Variants in GGCT observed in about 807,000 individuals in gnomAD.
GGCT encodes the protein cytochrome c-releasing factor 21.
Under a neutral mutation model 22.1 loss-of-function variants are expected in GGCT, and 20 were observed. The ratio of observed to expected loss-of-function variants is 0.91; its 90% CI spans 0.64 to 1.32. The LOEUF is 1.32. Ranked by LOEUF, GGCT falls within the 40% of genes most tolerant of loss-of-function variation. GGCT has a pLI of 0.00. For missense variants in GGCT, 209 were observed against 223.5 expected (o/e 0.94, Z 0.41); for synonymous variants, 72 against 78.4 (o/e 0.92, Z 0.43).
intron 2 of GGCT, among the ~76,000 whole-genome samples, chr7:30,499,838 G>T (rs1190077568): frequency 4.7e-5 from 7 of 149,408 alleles, no homozygotes; most frequent in East Asian, 3.9e-4. Flanking sequence ...AATATAGTTT[G>T]TTTTTTTTTT....
chr7:30,498,028 C>T (rs1041103795), intron 3 of GGCT: 61 of 132,716 alleles, frequency 4.6e-4, no homozygotes, highest in Middle Eastern at 2.4e-3. Flanking sequence ...TATATAGATA[C>T]ACACACACAT....
Position 30,498,794 on chromosome 7 carries a change from A to G in GGCT, c.423+9T>C. 6.2e-7 allele frequency: 1 copy of G among 1,609,052 alleles called. No individual in the cohort carries two copies. The highest frequency in any genetic ancestry group is 8.5e-7 in the Non-Finnish European group (1 of 1,176,002). On this transcript the variant is annotated intron_variant, in intron 3 of 3. Coordinates refer to ENST00000275428, the MANE Select transcript of GGCT (RefSeq NM_024051.4). Reference sequence around the variant, plus strand: ...AAAAGTAATCACCACCAGTCTGTAAATAGCTTACCTTTTTATACTGTGGGG... The same window carrying G: ...AAAAGTAATCACCACCAGTCTGTAAGTAGCTTACCTTTTTATACTGTGGGG...
chr7:30,501,650 CAAAT>C (rs971228719), intron 1 of GGCT, among the ~76,000 whole-genome samples: 1 of 152,180 alleles, frequency 6.6e-6, no homozygotes, highest in African/African-American at 2.4e-5. Flanking sequence ...AAAAACAAAA[CAAAT>C]AAAATACAGA....
At chr7:30,500,289 A>G (rs1789669295) in intron 2 of GGCT, among the ~76,000 whole-genome samples, 1 of 152,260 alleles carries the variant, frequency 6.6e-6, no homozygotes, top group Admixed American at 6.5e-5. Context: ...CAATAGAATG[A>G]AAAATAAGGG....
intron 2 of GGCT, among the ~76,000 whole-genome samples, chr7:30,499,754 G>A (rs570668745): frequency 3.3e-5 from 5 of 151,002 alleles, no homozygotes; most frequent in South Asian, 4.2e-4. Flanking sequence ...TCAATTAGAA[G>A]GCCTGAGACA....
chr7:30,497,606 G>A (rs889894200), intron 3 of GGCT: 2 of 461,812 alleles, frequency 4.3e-6, no homozygotes, highest in African/African-American at 4.0e-5. Flanking sequence ...AACGCCAGAG[G>A]TTACCCTTGC....
chr7:30,498,996 G>A, intron 2 of GGCT, 58 bp from the exon 3 acceptor site: 4 of 1,527,270 alleles, frequency 2.6e-6, no homozygotes, highest in Non-Finnish European at 2.7e-6. Context: ...TAGCTCACTG[G>A]GTAAGGTCTT....
At chr7:30,499,285 T>C (rs1789638222) in intron 2 of GGCT, among the ~76,000 whole-genome samples, 1 of 151,696 alleles carries the variant, frequency 6.6e-6, no homozygotes. Flanking sequence ...TGGGCGCCTA[T>C]AGTCCCAGCT....
intron 2 of GGCT, 71 bp from the exon 3 acceptor site, chr7:30,499,009 T>C (rs750448947): frequency 3.0e-5 from 41 of 1,365,746 alleles, no homozygotes; most frequent in Non-Finnish European, 4.0e-5. Context: ...AAGGTCTTTT[T>C]ATAATAGTCA....
chr7:30,502,066 G>T (rs1264094584), intron 1 of GGCT, among the ~76,000 whole-genome samples: 3 of 152,158 alleles, frequency 2.0e-5, no homozygotes. Context: ...CTGATTTTCA[G>T]GCTGTTCCTT....
At position 30,504,560 on chromosome 7, in the gene GGCT, G is replaced by A. The variant is rs1225945099; in HGVS notation, c.141+9C>T. On this transcript the variant is annotated intron_variant, in intron 1 of 3. Coordinates refer to ENST00000275428, the MANE Select transcript of GGCT (RefSeq NM_024051.4). The stretch of plus-strand genomic sequence containing the variant: ...CCCCGGCGTGGGTAGCGCGGGAGGG[G>A]GCACTCACCTGCAGGCGGGCCACAC... 9.3e-6 allele frequency: 15 copies of A among 1,613,084 alleles called. No individual in the cohort carries two copies. The highest frequency in any genetic ancestry group is 1.2e-5 in the Non-Finnish European group (14 of 1,179,806).
intron 2 of GGCT, 63 bp from the exon 3 acceptor site, chr7:30,499,001 G>C (rs752157712): frequency 6.8e-7 from 1 of 1,477,382 alleles, no homozygotes; most frequent in Non-Finnish European, 9.5e-7. Flanking sequence ...CACTGGGTAA[G>C]GTCTTTTTAT....
intron 1 of GGCT, among the ~76,000 whole-genome samples, chr7:30,502,248 TG>T (rs528216568): frequency 5.0e-4 from 76 of 152,336 alleles, no homozygotes; most frequent in Non-Finnish European, 1.0e-3. Flanking sequence ...TTTTTGTTTT[TG>T]TTTTTGTTTT....
chr7:30,500,066 G>A (rs1055387061), intron 2 of GGCT, among the ~76,000 whole-genome samples: 3 of 152,118 alleles, frequency 2.0e-5, no homozygotes, highest in Non-Finnish European at 2.9e-5. Flanking sequence ...ACAACTCTGA[G>A]AGCTCTAGTC....
intron 3 of GGCT, chr7:30,497,878 G>T: frequency 6.9e-7 from 1 of 1,446,792 alleles, no homozygotes; most frequent in South Asian, 1.5e-5. Context: ...GAAAGGCAGT[G>T]TGACGTTTCT....
At chr7:30,499,140 G>A (rs1374947880) in intron 2 of GGCT, 16 of 572,696 alleles carry the variant, frequency 2.8e-5, no homozygotes, top group African/African-American at 1.3e-4. Context: ...GGCTGGGTAC[G>A]GTGGCTCACA....
chr7:30,499,469 C>T (rs1042053838), intron 2 of GGCT, among the ~76,000 whole-genome samples: 1 of 150,310 alleles, frequency 6.7e-6, no homozygotes, highest in African/African-American at 2.5e-5. Context: ...TTTGGGAGGC[C>T]GAGGTGGGTG....
intron 2 of GGCT, among the ~76,000 whole-genome samples, 174 bp downstream of exon 2, chr7:30,500,362 T>A (rs1235416131): frequency 1.3e-5 from 2 of 152,222 alleles, no homozygotes; most frequent in African/African-American, 2.4e-5. Context: ...AAATATAGCC[T>A]TTCTAGACCT....
intron 1 of GGCT, among the ~76,000 whole-genome samples, chr7:30,502,340 A>G (rs1253744096): frequency 6.6e-6 from 1 of 152,162 alleles, no homozygotes; most frequent in African/African-American, 2.4e-5. Flanking sequence ...GGCCCAAGGA[A>G]GCCAAAAGGT....
Sources: gnomAD v4.1 joint callset for allele counts (sites outside exome capture counted in the v4.1 genomes callset) on GRCh38, gnomAD v4.1.1 for gene constraint, MANE v1.5 for transcripts, NCBI Gene and HGNC (gene_info 2026-07-23, HGNC 2026-07-21) for gene names.